RPS6KA2: variants seen among roughly 807,000 people sequenced by gnomAD.
The protein encoded by RPS6KA2 is ribosomal protein S6 kinase A2, also known as ribosomal protein S6 kinase alpha-2.
RPS6KA2 carries 42 observed loss-of-function variants against 91.8 expected under a neutral mutation model. The ratio of observed to expected loss-of-function variants is 0.46; its 90% CI spans 0.36 to 0.59. The LOEUF (loss-of-function observed/expected upper bound fraction) is 0.59, where lower values mean the gene tolerates loss of function less well. RPS6KA2 is among the 20% of genes least tolerant of loss of function. The pLI, the probability that RPS6KA2 is intolerant of heterozygous loss-of-function variation, is 0.00. For missense variants in RPS6KA2, 798 were observed against 978.5 expected (o/e 0.82, Z 2.46); for synonymous variants, 414 against 393.6 (o/e 1.05, Z -0.61).
rs186612704 is a variant in RPS6KA2, at chr6:166,497,261, C to T, written c.747+1247G>A. The stretch of plus-strand genomic sequence containing the variant: ...AGCATCATCCTCTTGGCTGAGCTCG[C>T]GGGCCCCTTGCTTTGCTGCAGGCAT... On this transcript the variant is annotated intron_variant, in intron 8 of 20. Coordinates refer to ENST00000265678, the MANE Select transcript of RPS6KA2 (RefSeq NM_021135.6). 1.7e-4 allele frequency among the ~76,000 whole-genome samples: 26 copies of T among 152,334 alleles called. No individual in the cohort carries two copies. The East Asian group carries it at 4.1e-3, about 24-fold the overall frequency.
chr6:166,516,554 A>T (rs1278255107), intron 3 of RPS6KA2, among the ~76,000 whole-genome samples: 1 of 152,222 alleles, frequency 6.6e-6, no homozygotes, highest in Non-Finnish European at 1.5e-5. Context: ...AAACTCAACA[A>T]GGAAAACTTC....
intron 1 of RPS6KA2, among the ~76,000 whole-genome samples, chr6:166,575,712 A>G (rs1784818669): frequency 6.6e-6 from 1 of 152,228 alleles, no homozygotes; most frequent in African/African-American, 2.4e-5. Context: ...AAGGACACTA[A>G]TGGGTCCACT....
chr6:166,470,362 G>C (rs1324074481), intron 10 of RPS6KA2, among the ~76,000 whole-genome samples: 1 of 152,218 alleles, frequency 6.6e-6, no homozygotes, highest in Non-Finnish European at 1.5e-5. Flanking sequence ...GAAATGAAGA[G>C]GAGTTGACAG....
At chr6:166,706,710 G>A (rs1789689964) in intron 2 of RPS6KA2, among the ~76,000 whole-genome samples, 1 of 152,190 alleles carries the variant, frequency 6.6e-6, no homozygotes, top group Admixed American at 6.5e-5. Context: ...AGTACCCAGG[G>A]GGAAGTAAAG....
chr6:166,714,169 G>A lies in RPS6KA2; in HGVS notation c.123+144031C>T, dbSNP rs1172112384. ...TATCAGGCAGGGTTACCCCCAGCACGCTGTGGGGATGGGAAGAGGTGCAGG... is the reference window on the plus strand; with the variant it reads ...TATCAGGCAGGGTTACCCCCAGCACACTGTGGGGATGGGAAGAGGTGCAGG... On this transcript the variant is annotated intron_variant, in intron 2 of 21. Coordinates refer to the RPS6KA2 transcript ENST00000503859. Among the ~76,000 whole-genome samples the A allele has an allele frequency of 2.0e-5, 3 of 152,218 alleles. No homozygotes were observed. In the East Asian group the frequency reaches 5.8e-4, roughly 29 times the overall value.
intron 2 of RPS6KA2, among the ~76,000 whole-genome samples, chr6:166,765,519 C>A (rs1778287186): frequency 6.6e-6 from 1 of 152,176 alleles, no homozygotes; most frequent in African/African-American, 2.4e-5. Context: ...CTCAATAAAT[C>A]CTGCAGTAAT....
chr6:166,689,630 G>T (rs1329653022), intron 2 of RPS6KA2, among the ~76,000 whole-genome samples: 1 of 152,158 alleles, frequency 6.6e-6, no homozygotes, highest in Non-Finnish European at 1.5e-5. Context: ...GCAGGCCAGG[G>T]GGACCTAGTG....
intron 10 of RPS6KA2, among the ~76,000 whole-genome samples, chr6:166,478,395 C>T (rs1302032080): frequency 6.6e-6 from 1 of 152,146 alleles, no homozygotes; most frequent in African/African-American, 2.4e-5. Flanking sequence ...AAGATGTTAC[C>T]CTCTGAGGGA....
In RPS6KA2 at chr6:166,756,802, C is replaced by T. The variant is rs12209769; in HGVS notation, c.123+101398G>A. ...CGGAGGTTGTGGTGAGCCGAGATGGCGCCATTGCACTCCAGCCTAGGCAAC... is the reference window on the plus strand; with the variant it reads ...CGGAGGTTGTGGTGAGCCGAGATGGTGCCATTGCACTCCAGCCTAGGCAAC... On this transcript the variant is annotated intron_variant, in intron 2 of 21. Transcript: ENST00000503859. 5.0e-3 allele frequency among the ~76,000 whole-genome samples: 762 copies of T among 152,176 alleles called. 3 individuals carry two copies. Among genetic ancestry groups the T allele is most frequent in the South Asian group, 9.8e-3 (47 of 4,808 alleles).
intron 2 of RPS6KA2, among the ~76,000 whole-genome samples, chr6:166,661,432 T>C (rs1216403481): frequency 6.6e-6 from 1 of 152,230 alleles, no homozygotes; most frequent in African/African-American, 2.4e-5. Flanking sequence ...TTGCATTTAT[T>C]TGATTAGTAG....
At chr6:166,420,573 C>T (rs1778688037) in intron 17 of RPS6KA2, among the ~76,000 whole-genome samples, 1 of 152,210 alleles carries the variant, frequency 6.6e-6, no homozygotes, top group Non-Finnish European at 1.5e-5. Context: ...GAAGTTCCTT[C>T]CTTCTGCAGG....
intron 10 of RPS6KA2, among the ~76,000 whole-genome samples, chr6:166,475,202 A>G (rs1340715346): frequency 6.6e-6 from 1 of 152,020 alleles, no homozygotes; most frequent in African/African-American, 2.4e-5. Flanking sequence ...ATGCTGCTAC[A>G]GCCACCCCAG....
chr6:166,529,809 C>T (rs1783202015), intron 3 of RPS6KA2, among the ~76,000 whole-genome samples: 1 of 152,190 alleles, frequency 6.6e-6, no homozygotes, highest in African/African-American at 2.4e-5. Flanking sequence ...CTCTCCCCGC[C>T]CCCAAACACA....
At chr6:166,812,622 G>A (rs552316969) in intron 2 of RPS6KA2, among the ~76,000 whole-genome samples, 90 of 152,252 alleles carry the variant, frequency 5.9e-4, no homozygotes, top group African/African-American at 2.1e-3. Flanking sequence ...CCGTGGCCAC[G>A]TGGCCTCAAG....
chr6:166,596,492 C>T (rs1785538616), intron 1 of RPS6KA2, among the ~76,000 whole-genome samples: 1 of 152,182 alleles, frequency 6.6e-6, no homozygotes, highest in African/African-American at 2.4e-5. Flanking sequence ...TTCTCCTGTA[C>T]TAGATGCCTC....
intron 1 of RPS6KA2, among the ~76,000 whole-genome samples, chr6:166,625,320 ACC>A (rs1786820272): frequency 1.3e-4 from 3 of 22,682 alleles, no homozygotes; most frequent in African/African-American, 6.3e-4. Context: ...TCCTATTCCC[ACC>A]ACCCCCCCAC....
At chr6:166,769,826 G>A (rs147870829) in intron 2 of RPS6KA2, among the ~76,000 whole-genome samples, 106 of 152,300 alleles carry the variant, frequency 7.0e-4, no homozygotes, top group African/African-American at 2.5e-3. Context: ...GAGAAAAGGC[G>A]GCCGCATCCT....
chr6:166,451,848 A>T (rs1265510615), intron 12 of RPS6KA2, among the ~76,000 whole-genome samples: 1 of 152,242 alleles, frequency 6.6e-6, no homozygotes, highest in Non-Finnish European at 1.5e-5. Context: ...GTTCAAAAGC[A>T]TGACTGCTGT....
rs11752554 is a variant in RPS6KA2, at chr6:166,485,108, G to A, written c.907+3725C>T. On this transcript the variant is annotated intron_variant, in intron 10 of 20. Transcript: ENST00000265678. ...ACCCACCCTCTGCCACCACCCATGGGGCCTGCCTTCCAGGGCTGTGTGGGG... is the reference window on the plus strand; with the variant it reads ...ACCCACCCTCTGCCACCACCCATGGAGCCTGCCTTCCAGGGCTGTGTGGGG... Among the ~76,000 whole-genome samples the A allele has an allele frequency of 3.4e-3, 525 of 152,330 alleles. 2 individuals carry two copies. Among genetic ancestry groups the A allele is most frequent in the Middle Eastern group, 0.02 (6 of 294 alleles).
Sources: allele counts gnomAD v4.1 joint callset (sites outside exome capture counted in the v4.1 genomes callset), GRCh38; gene constraint gnomAD v4.1.1; transcripts MANE v1.5; gene names NCBI Gene and HGNC (gene_info 2026-07-23, HGNC 2026-07-21).